The following TXK variants were observed in gnomAD, a reference collection of about 807,000 sequenced individuals.
The protein encoded by TXK is tyrosine-protein kinase TXK.
Under a neutral mutation model 81.0 loss-of-function variants are expected in TXK, and 60 were observed. That is an observed-to-expected ratio of 0.74 (90% CI 0.60 to 0.92). The LOEUF is 0.92. Among genes scored for constraint, TXK ranks in the 40% least tolerant of loss-of-function variants. The pLI is 0.00. For missense variants in TXK, 581 were observed against 638.3 expected (o/e 0.91, Z 0.97); for synonymous variants, 203 against 210.7 (o/e 0.96, Z 0.32).
intron 8 of TXK, among the ~76,000 whole-genome samples, chr4:48,092,693 ACAGT>A (rs1381458754): frequency 6.6e-6 from 1 of 152,196 alleles, no homozygotes; most frequent in Non-Finnish European, 1.5e-5. Context: ...CTAAAGGGAG[ACAGT>A]CAGAAGAATG....
At chr4:48,073,012 A>C (rs1057066194) in intron 13 of TXK, among the ~76,000 whole-genome samples, 1 of 151,080 alleles carries the variant, frequency 6.6e-6, no homozygotes, top group Admixed American at 6.6e-5. Flanking sequence ...ATAACCTCAA[A>C]CTCCTGGGCT....
At chr4:48,107,644 A>G (rs1329403262) in intron 5 of TXK, among the ~76,000 whole-genome samples, 1 of 151,890 alleles carries the variant, frequency 6.6e-6, no homozygotes, top group Non-Finnish European at 1.5e-5. Context: ...GCACAGATCA[A>G]CTCATCGCCT....
chr4:48,116,767 T>C (rs914026320), intron 1 of TXK, among the ~76,000 whole-genome samples: 6 of 152,176 alleles, frequency 3.9e-5, no homozygotes, highest in African/African-American at 1.4e-4. Context: ...GGAAGCCAGA[T>C]GGTTGTATGT....
chr4:48,114,522 C>T, intron 1 of TXK, 120 bp from the exon 2 acceptor site: 3 of 1,011,776 alleles, frequency 3.0e-6, no homozygotes, highest in Non-Finnish European at 4.5e-6. Context: ...ATCGTGCCTT[C>T]CTTCACTAGT....
At position 48,067,445 on chromosome 4, in the gene TXK, A is replaced by G. The variant is rs189040810; in HGVS notation, c.*192T>C. On this transcript the variant is annotated 3_prime_UTR_variant, in exon 15 of 15. Transcript: ENST00000264316. ...AAATAAGAGTGTGCAAATCCCTCTC[A>G]CACATAGAAAAACGATTGTGTGAAT... 1.5e-3 allele frequency: 856 copies of G among 586,600 alleles called. 4 individuals carry two copies. Among genetic ancestry groups the G allele is most frequent in the African/African-American group, 0.014 (778 of 53,764 alleles). 36.3% of individuals were successfully genotyped at this position (586,600 alleles called of 1,614,324 possible).
chr4:48,112,500 G>A lies in TXK; in HGVS notation c.187C>T (p.Arg63Cys), dbSNP rs41265727. Residue 63 changes from arginine (R) to cysteine (C), a missense_variant, in exon 4 of 15, where the codon CGT (arginine) becomes TGT (cysteine). Arg to Cys is a radical substitution (Grantham distance 180). Transcript: ENST00000264316. ...GGCTTTCGTTTTGACGGCTGCACAC[G>A]GCCCGTGTTGGACTGTGAAAACCAA... ...LSNKKQSNTGRVQPSKRKPLP... is the reference protein window; with the variant it reads ...LSNKKQSNTGCVQPSKRKPLP... The A allele has an allele frequency of 5.7e-3, 9,270 of 1,613,558 alleles. 33 individuals are homozygous for A. The highest frequency in any genetic ancestry group is 6.8e-3 in the Non-Finnish European group (8,032 of 1,179,748).
intron 1 of TXK, among the ~76,000 whole-genome samples, chr4:48,132,604 G>A (rs1015171797): frequency 2.0e-5 from 3 of 152,148 alleles, no homozygotes; most frequent in Admixed American, 6.5e-5. Context: ...GTATGTGTGT[G>A]TGTATATATA....
intron 1 of TXK, chr4:48,114,625 G>C (rs1334596193): frequency 1.8e-6 from 1 of 554,044 alleles, no homozygotes; most frequent in Non-Finnish European, 3.2e-6. Flanking sequence ...CTCTGGCCTG[G>C]TTTTTGCATT....
At chr4:48,077,108 C>T (rs1717101271) in intron 11 of TXK, among the ~76,000 whole-genome samples, 1 of 152,022 alleles carries the variant, frequency 6.6e-6, no homozygotes, top group South Asian at 2.1e-4. Context: ...TATTTTAAAA[C>T]ATATCTCACT....
chr4:48,100,065 G>A (rs1718132561), intron 6 of TXK, among the ~76,000 whole-genome samples: 1 of 150,158 alleles, frequency 6.7e-6, no homozygotes, highest in Non-Finnish European at 1.5e-5. Flanking sequence ...CCAGCTACTC[G>A]GGAGGCTGAG....
At chr4:48,082,714 CT>C (rs926851263) in intron 10 of TXK, among the ~76,000 whole-genome samples, 2 of 152,166 alleles carry the variant, frequency 1.3e-5, no homozygotes, top group Admixed American at 6.5e-5. Flanking sequence ...ACCACGCCCC[CT>C]ATCCTGTACC....
At chr4:48,101,840 T>C (rs180822192) in intron 6 of TXK, among the ~76,000 whole-genome samples, 124 of 150,398 alleles carry the variant, frequency 8.2e-4, no homozygotes, top group African/African-American at 2.8e-3. Context: ...TTGAGAAATG[T>C]GACCACATTA....
intron 9 of TXK, 34 bp from the exon 10 acceptor site, chr4:48,086,671 A>G (rs1717544656): frequency 6.3e-7 from 1 of 1,587,748 alleles, no homozygotes; most frequent in African/African-American, 1.3e-5. Flanking sequence ...TACAAGTAGA[A>G]AGAAAGACTG....
intron 1 of TXK, among the ~76,000 whole-genome samples, chr4:48,133,145 A>G (rs959779229): frequency 6.6e-6 from 1 of 152,184 alleles, no homozygotes; most frequent in Admixed American, 6.5e-5. Context: ...TAGGTGCTCA[A>G]TAAATACCTT....
intron 14 of TXK, among the ~76,000 whole-genome samples, chr4:48,070,646 T>G (rs1445467234): frequency 6.6e-6 from 1 of 152,122 alleles, no homozygotes; most frequent in Non-Finnish European, 1.5e-5. Flanking sequence ...TGGCGCAATC[T>G]CAGCTCACTG....
chr4:48,094,287 G>A (rs1007165693), intron 7 of TXK, 83 bp from the exon 8 acceptor site: 36 of 1,480,956 alleles, frequency 2.4e-5, no homozygotes, highest in Non-Finnish European at 2.9e-5. Context: ...CAGGACTCCA[G>A]TTCTAAAACT....
In TXK at chr4:48,076,383, A is replaced by G; in HGVS notation, c.1238+19T>C. On this transcript the variant is annotated intron_variant, in intron 12 of 14. Transcript: ENST00000264316. ...GTAAACAAACAAACAAAATACATAT[A>G]TATATACATAGCATGTACCTTGTCA... 2 of 1,542,706 alleles carry G rather than the reference A, an allele frequency of 1.3e-6. No homozygotes were observed. Among genetic ancestry groups the G allele is most frequent in the Middle Eastern group, 1.7e-4 (1 of 5,804 alleles).
At chr4:48,124,914 T>C (rs532476662) in intron 1 of TXK, among the ~76,000 whole-genome samples, 130 of 152,214 alleles carry the variant, frequency 8.5e-4, no homozygotes, top group Non-Finnish European at 1.4e-3. Context: ...CAAATCACTG[T>C]TCCCTTTTCT....
At chr4:48,098,013 C>T (rs1718051449) in intron 6 of TXK, among the ~76,000 whole-genome samples, 1 of 152,180 alleles carries the variant, frequency 6.6e-6, no homozygotes, top group African/African-American at 2.4e-5. Context: ...TCCCAAAGTG[C>T]TGGGATTACA....
Sources: allele counts gnomAD v4.1 joint callset (sites outside exome capture counted in the v4.1 genomes callset), GRCh38; gene constraint gnomAD v4.1.1; transcripts MANE v1.5; gene names NCBI Gene and HGNC (gene_info 2026-07-23, HGNC 2026-07-21).